OTOG: variants seen among roughly 807,000 people sequenced by gnomAD.
OTOG encodes the protein otogelin.
Under a neutral mutation model 313.8 loss-of-function variants are expected in OTOG, and 296 were observed. The observed-to-expected ratio is 0.94, with a 90% CI of 0.86 to 1.04. The LOEUF (loss-of-function observed/expected upper bound fraction) is 1.04, where lower values mean the gene tolerates loss of function less well. OTOG is among the 50% of genes least tolerant of loss of function. The pLI is 0.00. For synonymous variants in OTOG, 1,533 were observed against 1,554.9 expected, an observed-to-expected ratio of 0.99 and a Z score of 0.33; for missense variants, 3,948 against 3,840.1, an observed-to-expected ratio of 1.03 and a Z score of -0.74.
chr11:17,616,008 G>C (rs1473367375), intron 39 of OTOG, among the ~76,000 whole-genome samples: 1 of 152,132 alleles, frequency 6.6e-6, no homozygotes, highest in East Asian at 1.9e-4. Context: ...ATGCTACAGT[G>C]TCTTGATTAC....
rs1343864768 is a variant in OTOG at position 17,610,422 on chromosome 11, C to A, written c.5122C>A (p.Pro1708Thr). 6.4e-7 allele frequency: 1 copy of A among 1,550,556 alleles called. No homozygotes were observed. Among genetic ancestry groups the A allele is most frequent in the Non-Finnish European group, 8.7e-7 (1 of 1,146,948 alleles). Residue 1708 changes from proline (P) to threonine (T), a missense_variant, in exon 36 of 56, where the codon CCT becomes ACT. Coordinates refer to ENST00000399397, the MANE Select transcript of OTOG (RefSeq NM_001292063.2). ...TVAGTAAEQV[P>T]VSPLATRSLE... ...GGCTGGAACAGCAGCAGAACAGGTT[C>A]CTGTCAGTCCCCTTGCAACCAGGAG...
rs1240732512 is a variant in OTOG, at chr11:17,576,547, T to G, written c.2487-9T>G. On this transcript the variant is annotated splice_polypyrimidine_tract_variant and intron_variant, in intron 20 of 55. Coordinates refer to ENST00000399397, the MANE Select transcript of OTOG (RefSeq NM_001292063.2). ...CTGCTCACCTTTCTTTGCTCCCATT[T>G]TTTTATAGGAACCAGTGCTCCTGCC... 1.9e-6 allele frequency: 3 copies of G among 1,549,376 alleles called. No homozygotes were observed. Among genetic ancestry groups the G allele is most frequent in the Non-Finnish European group, 2.6e-6 (3 of 1,146,004 alleles).
At chr11:17,572,995 C>T (rs1409834652) in intron 18 of OTOG, 83 bp from the exon 19 acceptor site, 4 of 1,273,314 alleles carry the variant, frequency 3.1e-6, no homozygotes, top group Admixed American at 2.2e-5. Flanking sequence ...ACCCCTGAGC[C>T]ATGGGGAGGG....
At chr11:17,592,666 G>C (rs1429910197) in intron 25 of OTOG, among the ~76,000 whole-genome samples, 1 of 151,920 alleles carries the variant, frequency 6.6e-6, no homozygotes, top group East Asian at 1.9e-4. Context: ...TTTTTCTTTT[G>C]AACAGCTGTG....
At position 17,606,062 on chromosome 11, in the gene OTOG, G is replaced by A. The variant is rs767688779; in HGVS notation, c.4083G>A (p.Ser1361=). ...AGCCCAGCTCCTTCCTCTATGTGTCGGGCGCGGTGCTGGCCCTGCGGCTGT... is the reference window on the plus strand; with the variant it reads ...AGCCCAGCTCCTTCCTCTATGTGTCAGGCGCGGTGCTGGCCCTGCGGCTGT... The part of the protein sequence containing the change: ...LAKPSSFLYV[S]GAVLALRLYE... The change falls in exon 33 of 56, where the codon TCG becomes TCA. Residue 1361 remains serine, a synonymous_variant. Coordinates refer to ENST00000399397, the MANE Select transcript of OTOG (RefSeq NM_001292063.2). 9 of 1,550,320 alleles carry A rather than the reference G, an allele frequency of 5.8e-6. 1 individual carries two copies. Among genetic ancestry groups the A allele is most frequent in the South Asian group, 3.6e-5 (3 of 84,056 alleles).
In OTOG at chr11:17,610,713, G is replaced by A. The variant is rs1014290035; in HGVS notation, c.5413G>A (p.Asp1805Asn). 18 of 1,550,034 alleles carry A rather than the reference G, an allele frequency of 1.2e-5. No individual in the cohort carries two copies. The highest frequency in any genetic ancestry group is 3.6e-5 in the South Asian group (3 of 84,048). Residue 1805 changes from aspartate to asparagine, a missense_variant, in exon 36 of 56, where the codon GAC becomes AAC. Transcript: ENST00000399397. ...CCAGCTCCTCTCTGGCCTGCCTCCC[G>A]ACACCAGCCTGCCCCTGGCCAAGGT... ...PSQLLSGLPP[D>N]TSLPLAKVGT...
At chr11:17,580,082 C>A (rs1483429477) in intron 23 of OTOG, among the ~76,000 whole-genome samples, 1 of 152,222 alleles carries the variant, frequency 6.6e-6, no homozygotes, top group Non-Finnish European at 1.5e-5. Flanking sequence ...CCTTGGGACC[C>A]ATGATCACCT....
intron 53 of OTOG, among the ~76,000 whole-genome samples, chr11:17,642,497 C>T (rs182186571): frequency 1.7e-4 from 26 of 152,350 alleles, no homozygotes; most frequent in African/African-American, 6.3e-4. Flanking sequence ...GTTCTAGGCA[C>T]ATTCAGCCAG....
At chr11:17,642,390 T>C in intron 53 of OTOG, 144 bp downstream of exon 53, 1 of 1,159,526 alleles carries the variant, frequency 8.6e-7, no homozygotes, top group Non-Finnish European at 1.2e-6. Context: ...AATCCATATG[T>C]CTCTCTGCAT....
At chr11:17,626,279 G>C (rs754395860) in intron 39 of OTOG, among the ~76,000 whole-genome samples, 4 of 152,138 alleles carry the variant, frequency 2.6e-5, no homozygotes, top group African/African-American at 4.8e-5. Flanking sequence ...AGGTTCAAGT[G>C]ATTCTCCTGC....
intron 28 of OTOG, 151 bp from the exon 29 acceptor site, chr11:17,595,887 G>A: frequency 1.5e-6 from 1 of 646,220 alleles, no homozygotes. Context: ...GCAAGGTATA[G>A]GTCCCTTCTA....
At chr11:17,558,446 C>A in intron 9 of OTOG, 92 bp from the exon 10 acceptor site, 1 of 1,522,036 alleles carries the variant, frequency 6.6e-7, no homozygotes. Flanking sequence ...CTGCCTTCCT[C>A]TCCCTCTCCC....
chr11:17,557,419 G>T, intron 8 of OTOG, 96 bp downstream of exon 8: 1 of 1,246,894 alleles, frequency 8.0e-7, no homozygotes. Context: ...CAGAGCCCTG[G>T]GGTCGTGGTC....
chr11:17,555,559 G>T, intron 6 of OTOG: 1 of 462,958 alleles, frequency 2.2e-6, no homozygotes, highest in Non-Finnish European at 3.8e-6. Flanking sequence ...CCCAGCTCTG[G>T]GATTTCCTAG....
At chr11:17,645,111 C>T (rs533865928) in intron 54 of OTOG, among the ~76,000 whole-genome samples, 171 of 152,312 alleles carry the variant, frequency 1.1e-3, no homozygotes, top group Admixed American at 3.7e-3. Flanking sequence ...TAGAATGAAG[C>T]GTCCCACTAG....
At position 17,596,179 on chromosome 11, in the gene OTOG, C is replaced by T. The variant is rs375364422; in HGVS notation, c.3525+25C>T. 1.1e-4 allele frequency: 161 copies of T among 1,486,496 alleles called. 2 individuals are homozygous for T. The African/African-American group carries it at 1.7e-3, about 16-fold the overall frequency. The allele number at this position is 1,486,496 out of a possible 1,614,324, so 92.1% of individuals were successfully genotyped here. A position where few individuals can be genotyped will look rare whatever the true frequency, so the allele number is the denominator to read the frequency against. On this transcript the variant is annotated intron_variant, in intron 29 of 55. Transcript: ENST00000399397. ...GGTGAGTGTACCCCAGCCTCGGCTC[C>T]TCCCGAGTGCCCCCTCCACTGTCCT...
At chr11:17,562,049 ATATATAT>A (rs1852201211) in intron 15 of OTOG, among the ~76,000 whole-genome samples, 3 of 117,316 alleles carry the variant, frequency 2.6e-5, no homozygotes, top group African/African-American at 7.7e-5. Flanking sequence ...AAAAAAAAAT[ATATATAT>A]ATATATATAT....
At chr11:17,623,095 T>C (rs900613240) in intron 39 of OTOG, among the ~76,000 whole-genome samples, 4 of 152,218 alleles carry the variant, frequency 2.6e-5, no homozygotes, top group Admixed American at 6.5e-5. Flanking sequence ...TGATGATCCA[T>C]GTAAGAACAT....
rs1489253844 is a variant in OTOG, at chr11:17,578,519, CCCCAGGGGTAAGTA to C, written c.2757_2759+11del. The C allele has an allele frequency of 2.6e-6, 4 of 1,533,936 alleles. No individual in the cohort carries two copies. In the South Asian group the frequency reaches 3.6e-5, roughly 14 times the overall value. ...CCCCTGCCTCTCGGGCTGCGCCTGT[CCCCAGGGGTAAGTA>C]CCCATGGTGTCGTGGGCCCGTGATC... is the stretch of plus-strand genomic sequence containing the variant. On this transcript the variant is annotated splice_donor_variant and splice_donor_5th_base_variant and coding_sequence_variant and intron_variant, in exon 23 of 56. Coordinates refer to ENST00000399397, the MANE Select transcript of OTOG (RefSeq NM_001292063.2). LOFTEE classifies it high-confidence loss of function.
Sources: gnomAD v4.1 joint callset for allele counts (sites outside exome capture counted in the v4.1 genomes callset) on GRCh38, gnomAD v4.1.1 for gene constraint, MANE v1.5 for transcripts, NCBI Gene and HGNC (gene_info 2026-07-23, HGNC 2026-07-21) for gene names.